Variants in SIPA1L3 observed in about 807,000 individuals in gnomAD.
SIPA1L3 encodes the protein signal-induced proliferation-associated 1-like protein 3.
SIPA1L3 carries 59 observed loss-of-function variants against 150.1 expected under a neutral mutation model. That is an observed-to-expected ratio of 0.39 (90% CI 0.32 to 0.49). The LOEUF is 0.49. Ranked by LOEUF, SIPA1L3 falls within the 20% of genes least tolerant of loss-of-function variation. The pLI is 0.86. For missense variants in SIPA1L3, 2,211 were observed against 2,489.5 expected, an observed-to-expected ratio of 0.89 and a Z score of 2.38; for synonymous variants, 1,070 against 1,077.6, an observed-to-expected ratio of 0.99 and a Z score of 0.14.
At position 38,207,592 on chromosome 19, in the gene SIPA1L3, G is replaced by C. The variant is rs569230305; in HGVS notation, c.*1352G>C. 6.6e-6 allele frequency: 1 copy of C among 152,110 alleles called. No homozygotes were observed. The highest frequency in any genetic ancestry group is 6.5e-5 in the Admixed American group (1 of 15,278). The allele number at this position is 152,110 out of a possible 1,614,324, so 9.4% of individuals were successfully genotyped here. ...GGGAGGACCAGAGGGATGAAGTCAG[G>C]GCAGGCCGGTGCCCTTTTTGGGAGG... On this transcript the variant is annotated 3_prime_UTR_variant, in exon 22 of 22. Transcript: ENST00000222345.
chr19:38,200,997 T>TTTAC (rs1973076209), intron 19 of SIPA1L3: 1 of 150,972 alleles, frequency 6.6e-6, no homozygotes, highest in Non-Finnish European at 1.5e-5. Context: ...TGCTGGGGTT[T>TTTAC]TTACTGTGCT....
chr19:38,101,347 C>T, intron 6 of SIPA1L3, 121 bp downstream of exon 6: 1 of 626,386 alleles, frequency 1.6e-6, no homozygotes, highest in Non-Finnish European at 2.6e-6. Flanking sequence ...TCTCAGACTT[C>T]ACTTGTAGGA....
intron 2 of SIPA1L3, among the ~76,000 whole-genome samples, chr19:38,048,023 C>A (rs563214095): frequency 9.9e-5 from 15 of 152,256 alleles, no homozygotes; most frequent in African/African-American, 3.6e-4. Flanking sequence ...GAGAATCGTG[C>A]GTGTGCCTCT....
At position 38,079,128 on chromosome 19, in the gene SIPA1L3, C is replaced by T. The variant is rs538208212; in HGVS notation, c.-310-2128C>T. 2.6e-4 allele frequency among the ~76,000 whole-genome samples: 40 copies of T among 152,300 alleles called. No individual in the cohort carries two copies. The South Asian group carries it at 6.6e-3, about 25-fold the overall frequency. Reference sequence around the variant, plus strand: ...CAGGCGGATCATGAGGTCAGGAGATCGAGACCATCCTGGCTAACACGGTGA... The same window carrying T: ...CAGGCGGATCATGAGGTCAGGAGATTGAGACCATCCTGGCTAACACGGTGA... On this transcript the variant is annotated intron_variant, in intron 2 of 21. Coordinates refer to ENST00000222345, the MANE Select transcript of SIPA1L3 (RefSeq NM_015073.3).
intron 15 of SIPA1L3, among the ~76,000 whole-genome samples, chr19:38,179,632 A>G (rs1388883758): frequency 1.3e-5 from 2 of 152,162 alleles, no homozygotes; most frequent in South Asian, 2.1e-4. Flanking sequence ...TCTGTTTATC[A>G]TAAACATCCA....
At position 38,149,418 on chromosome 19, in the gene SIPA1L3, G is replaced by T. The variant is rs573755891; in HGVS notation, c.3534-3422G>T. Among the ~76,000 whole-genome samples, 301 of 152,278 alleles carry T rather than the reference G, an allele frequency of 2.0e-3. 3 individuals carry two copies. Among genetic ancestry groups the T allele is most frequent in the African/African-American group, 6.9e-3 (286 of 41,576 alleles). On this transcript the variant is annotated intron_variant, in intron 12 of 21. Transcript: ENST00000222345. Reference sequence around the variant, plus strand: ...AAAAAAAGTCTTGTTAACAAGAGAAGTACATGGTTGGATAAAGTACGGGTT... The same window carrying T: ...AAAAAAAGTCTTGTTAACAAGAGAATTACATGGTTGGATAAAGTACGGGTT...
chr19:38,193,442 C>T, intron 17 of SIPA1L3, 95 bp from the exon 18 acceptor site: 1 of 1,340,160 alleles, frequency 7.5e-7, no homozygotes, highest in Non-Finnish European at 9.5e-7. Context: ...TAGGTAAGGA[C>T]TCGCCACCAA....
intron 1 of SIPA1L3, among the ~76,000 whole-genome samples, chr19:38,013,621 C>T (rs1968160999): frequency 6.6e-6 from 1 of 152,208 alleles, no homozygotes; most frequent in African/African-American, 2.4e-5. Context: ...GGAAACCATT[C>T]CGAAATGTAA....
chr19:37,937,758 A>C (rs2046614051), intron 1 of SIPA1L3, among the ~76,000 whole-genome samples: 1 of 140,228 alleles, frequency 7.1e-6, no homozygotes, highest in African/African-American at 2.6e-5. Context: ...AAAAAAAAAA[A>C]AAAAAAGACC....
At chr19:38,004,626 C>T (rs1456464630) in intron 1 of SIPA1L3, among the ~76,000 whole-genome samples, 2 of 152,160 alleles carry the variant, frequency 1.3e-5, no homozygotes, top group Non-Finnish European at 2.9e-5. Context: ...GTATCTGTCC[C>T]GAACTATCAT....
intron 10 of SIPA1L3, among the ~76,000 whole-genome samples, chr19:38,134,372 C>T (rs1397765575): frequency 7.4e-6 from 1 of 134,634 alleles, no homozygotes; most frequent in Non-Finnish European, 1.5e-5. Flanking sequence ...CTGCAGTGAG[C>T]TGTGATCACA....
At chr19:37,959,926 T>C (rs1008855360) in intron 1 of SIPA1L3, among the ~76,000 whole-genome samples, 9 of 151,884 alleles carry the variant, frequency 5.9e-5, no homozygotes, top group African/African-American at 2.2e-4. Flanking sequence ...AATATAGAAA[T>C]TTTGCTCTAA....
chr19:38,076,914 G>A (rs955204147), intron 2 of SIPA1L3, among the ~76,000 whole-genome samples: 15 of 152,188 alleles, frequency 9.9e-5, no homozygotes, highest in Non-Finnish European at 1.6e-4. Flanking sequence ...CAGCTTCTAT[G>A]TGGGTACAGG....
chr19:38,076,476 A>G (rs1969840743), intron 2 of SIPA1L3, among the ~76,000 whole-genome samples: 1 of 152,174 alleles, frequency 6.6e-6, no homozygotes, highest in South Asian at 2.1e-4. Flanking sequence ...TGTTGTGAGT[A>G]TCCATTTGAA....
chr19:38,043,636 C>T (rs1968978925), intron 2 of SIPA1L3, among the ~76,000 whole-genome samples: 1 of 152,206 alleles, frequency 6.6e-6, no homozygotes, highest in African/African-American at 2.4e-5. Flanking sequence ...GTACCTGGCA[C>T]ATAGTAAATG....
chr19:38,206,009 G>A, intron 21 of SIPA1L3, 88 bp from the exon 22 acceptor site: 3 of 1,412,390 alleles, frequency 2.1e-6, no homozygotes, highest in Non-Finnish European at 2.8e-6. Flanking sequence ...GCACAGCCGG[G>A]CCAGGGCTCA....
At chr19:37,911,872 C>T (rs1047801896) in intron 1 of SIPA1L3, among the ~76,000 whole-genome samples, 1 of 151,638 alleles carries the variant, frequency 6.6e-6, no homozygotes, top group Non-Finnish European at 1.5e-5. Flanking sequence ...AGATCGAGAC[C>T]ATCCTGGCTA....
chr19:38,017,185 C>T (rs1968256173), intron 1 of SIPA1L3, among the ~76,000 whole-genome samples: 1 of 152,156 alleles, frequency 6.6e-6, no homozygotes, highest in Non-Finnish European at 1.5e-5. Flanking sequence ...GTGTGAGCCA[C>T]CTTGCCCAAC....
intron 2 of SIPA1L3, among the ~76,000 whole-genome samples, chr19:38,033,336 GAT>G (rs1156748811): frequency 6.6e-6 from 1 of 152,190 alleles, no homozygotes; most frequent in African/African-American, 2.4e-5. Context: ...TGTAGCAAAA[GAT>G]AGCAATTTTT....
Sources: allele counts gnomAD v4.1 joint callset (sites outside exome capture counted in the v4.1 genomes callset), GRCh38; gene constraint gnomAD v4.1.1; transcripts MANE v1.5; gene names NCBI Gene and HGNC (gene_info 2026-07-23, HGNC 2026-07-21).